Variants in SGCG observed in about 807,000 individuals in gnomAD.
SGCG encodes the protein gamma-sarcoglycan.
In SGCG, 26 loss-of-function variants were observed where a neutral mutation model predicts 29.3. The observed-to-expected ratio is 0.89, with a 90% CI of 0.65 to 1.23. The LOEUF (loss-of-function observed/expected upper bound fraction) is 1.23. Ranked by LOEUF, SGCG falls within the 50% of genes most tolerant of loss-of-function variation. The pLI is 0.00. For synonymous variants in SGCG, 145 were observed against 129.7 expected, an observed-to-expected ratio of 1.12 and a Z score of -0.80; for missense variants, 353 against 356.0, an observed-to-expected ratio of 0.99 and a Z score of 0.07.
rs191999980 is a variant in SGCG at position 23,287,303 on chromosome 13, G to A, written c.505+7825G>A. ...TGCTGTGTTGCTGAAGGAAGAAAGAGGGACCATGTGACAAGAAGTGGTGGC... is the reference window on the plus strand; with the variant it reads ...TGCTGTGTTGCTGAAGGAAGAAAGAAGGACCATGTGACAAGAAGTGGTGGC... On this transcript the variant is annotated intron_variant, in intron 5 of 7. Coordinates refer to ENST00000218867, the MANE Select transcript of SGCG (RefSeq NM_000231.3). 1.6e-4 allele frequency among the ~76,000 whole-genome samples: 24 copies of A among 152,348 alleles called. No individual in the cohort carries two copies. In the East Asian group the frequency reaches 4.6e-3, roughly 29 times the overall value.
At chr13:23,172,337 C>T in the SGCG span, among the ~76,000 whole-genome samples, 1 of 152,122 alleles carries the variant, frequency 6.6e-6, no homozygotes, top group Non-Finnish European at 1.5e-5. Context: ...TTAGGAAAGT[C>T]ACTGACATAT....
intron 4 of SGCG, among the ~76,000 whole-genome samples, chr13:23,271,462 A>G (rs566568399): frequency 6.6e-6 from 1 of 152,312 alleles, no homozygotes; most frequent in South Asian, 2.1e-4. Context: ...CAGTTTACAA[A>G]TTTATGTTGA....
At chr13:23,227,379 C>T (rs1402420767) in intron 2 of SGCG, among the ~76,000 whole-genome samples, 1 of 151,020 alleles carries the variant, frequency 6.6e-6, no homozygotes, top group Non-Finnish European at 1.5e-5. Context: ...ACAACTATAA[C>T]TCTCCTATAT....
chr13:23,166,459 G>A, the SGCG span, among the ~76,000 whole-genome samples: 4 of 152,182 alleles, frequency 2.6e-5, no homozygotes, highest in Non-Finnish European at 4.4e-5. Context: ...CTCCCAAAAT[G>A]CTGGGATTAC....
chr13:23,178,193 G>A (rs1195591892), upstream of SGCG, among the ~76,000 whole-genome samples: 1 of 152,054 alleles, frequency 6.6e-6, no homozygotes, highest in Non-Finnish European at 1.5e-5. Flanking sequence ...CCCGGAAGCA[G>A]AGGAAGTAGG....
At chr13:23,177,216 G>C (rs939191489), upstream of SGCG, among the ~76,000 whole-genome samples, 1 of 152,098 alleles carries the variant, frequency 6.6e-6, no homozygotes, top group African/African-American at 2.4e-5. Context: ...CCAGAGAATG[G>C]GGAGGGGAAG....
At chr13:23,253,783 A>G (rs928125402) in intron 4 of SGCG, among the ~76,000 whole-genome samples, 1 of 152,114 alleles carries the variant, frequency 6.6e-6, no homozygotes, top group African/African-American at 2.4e-5. Flanking sequence ...CTTGCACCAT[A>G]CCCTTGGTGA....
At chr13:23,252,395 T>C (rs1424652026) in intron 4 of SGCG, among the ~76,000 whole-genome samples, 1 of 152,096 alleles carries the variant, frequency 6.6e-6, no homozygotes, top group Admixed American at 6.5e-5. Flanking sequence ...TATATTCCTA[T>C]AAAAATTAAT....
In SGCG at chr13:23,217,819, C is replaced by T. The variant is rs971284922; in HGVS notation, c.195+13930C>T. Among the ~76,000 whole-genome samples the T allele has an allele frequency of 2.0e-5, 3 of 151,924 alleles. No individual in the cohort carries two copies. The South Asian group carries it at 6.2e-4, about 32-fold the overall frequency. On this transcript the variant is annotated intron_variant, in intron 2 of 7. Coordinates refer to ENST00000218867, the MANE Select transcript of SGCG (RefSeq NM_000231.3). ...TGAGAGTTAGGATTTATATCCATTC[C>T]ATTTGATTCAAAAATCAACCCTACT...
At position 23,324,448 on chromosome 13, in the gene SGCG, C is replaced by T. The variant is rs1183539033; in HGVS notation, c.783C>T (p.Leu261=). Residue 261 remains leucine (L), a synonymous_variant, in exon 8 of 8, where the codon CTC becomes CTT. Coordinates refer to ENST00000218867, the MANE Select transcript of SGCG (RefSeq NM_000231.3). ...TWGPSGSSQS[L]YEICVCPDGK... ...GTCCCTCTGGCAGCTCACAGAGCCT[C>T]TACGAAATCTGTGTGTGTCCAGATG... 6.2e-7 allele frequency: 1 copy of T among 1,614,084 alleles called. No homozygotes were observed. Among genetic ancestry groups the T allele is most frequent in the South Asian group, 1.1e-5 (1 of 91,080 alleles).
At chr13:23,294,379 C>T (rs1415198206) in intron 5 of SGCG, among the ~76,000 whole-genome samples, 1 of 152,190 alleles carries the variant, frequency 6.6e-6, no homozygotes, top group Non-Finnish European at 1.5e-5. Context: ...TTCGTTGCTT[C>T]CAGTGAATTG....
intron 6 of SGCG, among the ~76,000 whole-genome samples, chr13:23,307,371 C>CT (rs1049914037): frequency 2.0e-4 from 30 of 152,102 alleles, no homozygotes; most frequent in African/African-American, 7.2e-4. Context: ...TATTAGTAGT[C>CT]TTTTTTTCTG....
At chr13:23,240,756 T>G (rs1879473233) in intron 3 of SGCG, among the ~76,000 whole-genome samples, 1 of 152,112 alleles carries the variant, frequency 6.6e-6, no homozygotes, top group African/African-American at 2.4e-5. Context: ...AAACAGTATT[T>G]TGAACTGAAT....
Position 23,234,593 on chromosome 13 carries a change from CTTTT to C in SGCG, c.196-9_196-6del. On this transcript the variant is annotated splice_polypyrimidine_tract_variant and intron_variant, in intron 2 of 7. Coordinates refer to ENST00000218867, the MANE Select transcript of SGCG (RefSeq NM_000231.3). ...AGCAATAAAAATATACGCATTGTCT[CTTTT>C]TTTTTTTTAACAGGCAGGAATGGGC... is the stretch of plus-strand genomic sequence containing the variant. 1 of 1,244,740 alleles carries C rather than the reference CTTTT, an allele frequency of 8.0e-7. No individual in the cohort carries two copies. The highest frequency in any genetic ancestry group is 1.1e-6 in the Non-Finnish European group (1 of 882,516). 77.1% of individuals were successfully genotyped at this position (1,244,740 alleles called of 1,614,324 possible). A position where few individuals can be genotyped will look rare whatever the true frequency, so the allele number is the denominator to read the frequency against.
At chr13:23,320,597 C>CTTTTTTTTTT (rs67528585) in intron 6 of SGCG, 40 bp from the exon 7 acceptor site, 11 of 1,322,876 alleles carry the variant, frequency 8.3e-6, no homozygotes, top group Admixed American at 4.5e-5. Context: ...ATTTTTAATA[C>CTTTTTTTTTT]TTTTTTTTTT....
chr13:23,301,903 GA>G, intron 6 of SGCG, among the ~76,000 whole-genome samples: 1 of 15,420 alleles, frequency 6.5e-5, no homozygotes, highest in Non-Finnish European at 4.0e-4. Flanking sequence ...AAAAAAAAAA[GA>G]AAAGAAAAAA....
chr13:23,186,641 A>ATTTTT (rs1876985571), intron 1 of SGCG, among the ~76,000 whole-genome samples: 1 of 152,176 alleles, frequency 6.6e-6, no homozygotes, highest in East Asian at 1.9e-4. Context: ...CTGCATTCTG[A>ATTTTT]AGTATCCCCC....
the SGCG span, among the ~76,000 whole-genome samples, chr13:23,164,452 G>A: frequency 6.6e-6 from 1 of 152,162 alleles, no homozygotes; most frequent in Non-Finnish European, 1.5e-5. Flanking sequence ...ACTGGGCCCA[G>A]AGAGGCTGTA....
chr13:23,312,036 T>C (rs1199172343), intron 6 of SGCG, among the ~76,000 whole-genome samples: 1 of 152,226 alleles, frequency 6.6e-6, no homozygotes, highest in Non-Finnish European at 1.5e-5. Flanking sequence ...CCTATGTCCT[T>C]GGTGCCATCC....
Sources: gnomAD v4.1 joint callset for allele counts (sites outside exome capture counted in the v4.1 genomes callset) on GRCh38, gnomAD v4.1.1 for gene constraint, MANE v1.5 for transcripts, NCBI Gene and HGNC (gene_info 2026-07-23, HGNC 2026-07-21) for gene names.